The following CAST variants were observed in gnomAD, a reference collection of about 807,000 sequenced individuals.
CAST encodes the protein calpastatin.
Under a neutral mutation model 119.6 loss-of-function variants are expected in CAST, and 76 were observed. The ratio of observed to expected loss-of-function variants is 0.64; its 90% CI spans 0.53 to 0.77. CAST has a LOEUF of 0.77. Among genes scored for constraint, CAST ranks in the 30% least tolerant of loss-of-function variants. The probability of loss-of-function intolerance (pLI) is 0.00; values close to 1 mark genes in which losing one functional copy is unlikely to be tolerated. For synonymous variants in CAST, 319 were observed against 331.6 expected (o/e 0.96, Z 0.41); for missense variants, 953 against 946.5 (o/e 1.01, Z -0.09).
At chr5:96,105,210 A>G in the CAST span, among the ~76,000 whole-genome samples, 1 of 151,444 alleles carries the variant, frequency 6.6e-6, no homozygotes, top group Non-Finnish European at 1.5e-5. Flanking sequence ...CTCTTTTCCT[A>G]ATTGAATACC....
chr5:96,104,622 G>C, the CAST span, among the ~76,000 whole-genome samples: 2 of 151,774 alleles, frequency 1.3e-5, no homozygotes, highest in African/African-American at 2.4e-5. Flanking sequence ...GTACCATGCT[G>C]TTTTGGTTAC....
rs149270486 is a variant in CAST at position 96,742,689 on chromosome 5, C to T, written c.1133C>T (p.Ser378Leu). Reference protein sequence around the residue: ...TMSDQALEALSASLGTRQAEP... With the variant: ...TMSDQALEALLASLGTRQAEP... ...AGTGATCAAGCACTCGAGGCTCTGTCGGCTTCACTGGGCACCCGGCAAGCA... is the reference window on the plus strand; with the variant it reads ...AGTGATCAAGCACTCGAGGCTCTGTTGGCTTCACTGGGCACCCGGCAAGCA... The change falls in exon 16 of 32, where the codon TCG (serine) becomes TTG (leucine). Residue 378 changes from serine to leucine, a missense_variant. By Grantham distance (145) the Ser-to-Leu change is moderately radical. Coordinates refer to ENST00000675179, the MANE Select transcript of CAST (RefSeq NM_001750.7). The T allele has an allele frequency of 5.7e-4, 923 of 1,613,790 alleles. No individual in the cohort carries two copies. The highest frequency in any genetic ancestry group is 5.9e-4 in the Non-Finnish European group (697 of 1,179,836).
chr5:96,161,786 C>A, the CAST span, among the ~76,000 whole-genome samples: 56 of 152,220 alleles, frequency 3.7e-4, no homozygotes, highest in Non-Finnish European at 1.9e-4. Context: ...TCTTTAATTT[C>A]TTTCAACAAT....
chr5:96,626,719 G>C (rs566283994), intron 1 of CAST, among the ~76,000 whole-genome samples: 30 of 152,252 alleles, frequency 2.0e-4, no homozygotes, highest in African/African-American at 6.5e-4. Flanking sequence ...CTTCATGACA[G>C]TTTTTCTCCA....
the CAST span, among the ~76,000 whole-genome samples, chr5:96,446,529 T>C: frequency 6.6e-6 from 1 of 152,206 alleles, no homozygotes; most frequent in Non-Finnish European, 1.5e-5. Context: ...CAGCAGGAAT[T>C]GCTTCAGAGA....
the CAST span, among the ~76,000 whole-genome samples, chr5:96,312,087 C>T: frequency 1.3e-4 from 20 of 151,880 alleles, 1 homozygote; most frequent in Admixed American, 9.8e-4. Context: ...TTGTCTCCTA[C>T]AGATTTTTGC....
chr5:96,355,867 A>G, the CAST span, among the ~76,000 whole-genome samples: 14 of 151,910 alleles, frequency 9.2e-5, no homozygotes, highest in Admixed American at 8.5e-4. Context: ...ACGCCCAGCT[A>G]ATTTTTGTAT....
intron 1 of CAST, among the ~76,000 whole-genome samples, chr5:96,607,496 G>A (rs1331435726): frequency 2.0e-5 from 3 of 152,150 alleles, no homozygotes; most frequent in Non-Finnish European, 2.9e-5. Context: ...GAAGGAAATC[G>A]AATATCATCC....
the CAST span, chr5:96,210,162 T>A: frequency 6.6e-6 from 1 of 151,988 alleles, no homozygotes; most frequent in South Asian, 2.1e-4. Context: ...TCATCCTTGT[T>A]CAAGGGCCAT....
intron 1 of CAST, among the ~76,000 whole-genome samples, chr5:96,674,467 T>G (rs1750466310): frequency 6.6e-6 from 1 of 152,142 alleles, no homozygotes; most frequent in Admixed American, 6.5e-5. Flanking sequence ...TGAGCTTTTA[T>G]TTTTTCATAT....
At chr5:95,985,075 G>T in the CAST span, among the ~76,000 whole-genome samples, 8 of 152,144 alleles carry the variant, frequency 5.3e-5, no homozygotes, top group African/African-American at 1.9e-4. Flanking sequence ...CACTTTGGGA[G>T]TTCAAGGAGG....
At chr5:96,371,168 T>C in the CAST span, among the ~76,000 whole-genome samples, 17 of 152,350 alleles carry the variant, frequency 1.1e-4, no homozygotes, top group African/African-American at 3.8e-4. Flanking sequence ...AGCATGGAAC[T>C]AAGTAAATGG....
At chr5:96,165,947 A>C in the CAST span, among the ~76,000 whole-genome samples, 1 of 152,178 alleles carries the variant, frequency 6.6e-6, no homozygotes, top group East Asian at 1.9e-4. Flanking sequence ...ATTTACATTA[A>C]TTATTTTTCA....
chr5:96,179,196 C>T, the CAST span, among the ~76,000 whole-genome samples: 1 of 152,094 alleles, frequency 6.6e-6, no homozygotes, highest in African/African-American at 2.4e-5. Flanking sequence ...CACATATGAC[C>T]ATCTCATTCT....
the CAST span, among the ~76,000 whole-genome samples, chr5:96,273,799 C>T: frequency 1.2e-4 from 18 of 152,260 alleles, no homozygotes; most frequent in Non-Finnish European, 2.2e-4. Context: ...CTTCACTGGT[C>T]TGTTCTGATT....
chr5:96,645,723 A>G (rs1580857093), intron 1 of CAST, among the ~76,000 whole-genome samples: 1 of 152,076 alleles, frequency 6.6e-6, no homozygotes, highest in South Asian at 2.1e-4. Flanking sequence ...CTGTGAAAGT[A>G]TAACAAACTT....
At chr5:96,663,939 CAAAAAAA>C (rs3048777) in intron 1 of CAST, among the ~76,000 whole-genome samples, 1 of 111,004 alleles carries the variant, frequency 9.0e-6, no homozygotes, top group African/African-American at 2.8e-5. Context: ...GATTGCTTTC[CAAAAAAA>C]AAAAAAAAAA....
chr5:96,516,394 A>G, the CAST span, among the ~76,000 whole-genome samples: 67 of 152,300 alleles, frequency 4.4e-4, 1 homozygote, highest in South Asian at 0.014. Flanking sequence ...GTTGTTTGGA[A>G]TAATTTCTTA....
At position 96,700,725 on chromosome 5, in the gene CAST, TG is replaced by T. The variant is rs768368772; in HGVS notation, c.210+4823del. 7.3e-4 allele frequency among the ~76,000 whole-genome samples: 111 copies of T among 152,144 alleles called. 1 individual carries two copies. Among genetic ancestry groups the T allele is most frequent in the Middle Eastern group, 3.4e-3 (1 of 294 alleles). ...GCCAAGAAATTCTGATTCGCCGGGG[TG>T]GGGGAAGAGCCCAGGATTTCATATA... is the stretch of plus-strand genomic sequence containing the variant. On this transcript the variant is annotated intron_variant, in intron 3 of 31. Coordinates refer to ENST00000675179, the MANE Select transcript of CAST (RefSeq NM_001750.7).
Sources: gnomAD v4.1 joint callset for allele counts (sites outside exome capture counted in the v4.1 genomes callset) on GRCh38, gnomAD v4.1.1 for gene constraint, MANE v1.5 for transcripts, NCBI Gene and HGNC (gene_info 2026-07-23, HGNC 2026-07-21) for gene names.